Variants in SPAG16 observed in about 807,000 individuals in gnomAD.
SPAG16 encodes the protein sperm-associated antigen 16 protein.
SPAG16 carries 86 observed loss-of-function variants against 80.4 expected under a neutral mutation model. The ratio of observed to expected loss-of-function variants is 1.07; its 90% CI spans 0.90 to 1.28. The LOEUF (loss-of-function observed/expected upper bound fraction) is 1.28. SPAG16 is among the 50% of genes most tolerant of loss of function. The pLI is 0.00. For synonymous variants in SPAG16, 294 were observed against 265.9 expected, an observed-to-expected ratio of 1.11 and a Z score of -1.03; for missense variants, 870 against 765.3, an observed-to-expected ratio of 1.14 and a Z score of -1.61.
At chr2:213,735,252 G>A (rs2067231535) in intron 10 of SPAG16, among the ~76,000 whole-genome samples, 1 of 152,138 alleles carries the variant, frequency 6.6e-6, no homozygotes, top group South Asian at 2.1e-4. Context: ...GTATTCTGGA[G>A]CAACTCTTTA....
intron 12 of SPAG16, among the ~76,000 whole-genome samples, chr2:213,996,050 A>C (rs1042003480): frequency 4.6e-5 from 7 of 152,172 alleles, no homozygotes; most frequent in African/African-American, 1.7e-4. Context: ...GATGAGAAAC[A>C]CTTCTGACTC....
In SPAG16 at chr2:213,873,258, A is replaced by T. The variant is rs945507457; in HGVS notation, c.1214+10630A>T. ...AGAATTTGTCTACTCTATCCAGGTTATCTAATTTGCTGCCATTTTTTTCTC... is the reference window on the plus strand; with the variant it reads ...AGAATTTGTCTACTCTATCCAGGTTTTCTAATTTGCTGCCATTTTTTTCTC... On this transcript the variant is annotated intron_variant, in intron 11 of 15. Coordinates refer to ENST00000331683, the MANE Select transcript of SPAG16 (RefSeq NM_024532.5). 5.3e-5 allele frequency among the ~76,000 whole-genome samples: 8 copies of T among 152,116 alleles called. No individual in the cohort carries two copies. The South Asian group carries it at 1.7e-3, about 32-fold the overall frequency.
At chr2:213,907,243 G>A (rs1345091934) in intron 11 of SPAG16, among the ~76,000 whole-genome samples, 1 of 152,054 alleles carries the variant, frequency 6.6e-6, no homozygotes, top group Non-Finnish European at 1.5e-5. Flanking sequence ...TATTTTAAAA[G>A]AAGATGTACA....
intron 10 of SPAG16, among the ~76,000 whole-genome samples, chr2:213,566,517 A>C (rs1393256358): frequency 6.6e-6 from 1 of 152,198 alleles, no homozygotes; most frequent in Admixed American, 6.6e-5. Flanking sequence ...CCAAGTATTG[A>C]GAGTCGACAA....
At chr2:213,585,572 G>C (rs1345805029) in intron 10 of SPAG16, among the ~76,000 whole-genome samples, 1 of 152,084 alleles carries the variant, frequency 6.6e-6, no homozygotes, top group Non-Finnish European at 1.5e-5. Context: ...AACCAGCCTG[G>C]CAGAAAGATT....
chr2:213,936,013 G>T (rs116142495), intron 12 of SPAG16, among the ~76,000 whole-genome samples: 1 of 147,892 alleles, frequency 6.8e-6, no homozygotes, highest in African/African-American at 2.4e-5. Flanking sequence ...TAGAGCACAG[G>T]TGAAAAGGGA....
chr2:213,557,079 C>T lies in SPAG16; in HGVS notation c.1070+66989C>T, dbSNP rs531340415. 4.6e-5 allele frequency among the ~76,000 whole-genome samples: 7 copies of T among 151,980 alleles called. No individual in the cohort carries two copies. The South Asian group carries it at 1.5e-3, about 32-fold the overall frequency. ...AGTATAGCATAATATAAAAATTAAG[C>T]ATATGTTATTTGTGGGTTTTTTTCT... On this transcript the variant is annotated intron_variant, in intron 10 of 15. Coordinates refer to ENST00000331683, the MANE Select transcript of SPAG16 (RefSeq NM_024532.5).
chr2:213,746,749 G>A (rs2125472664), intron 10 of SPAG16, among the ~76,000 whole-genome samples: 1 of 152,316 alleles, frequency 6.6e-6, no homozygotes, highest in African/African-American at 2.4e-5. Context: ...AGAAGTTGCA[G>A]TGAGCCAAGA....
At chr2:213,294,909 T>A (rs2062436640) in intron 1 of SPAG16, among the ~76,000 whole-genome samples, 1 of 152,154 alleles carries the variant, frequency 6.6e-6, no homozygotes, top group Non-Finnish European at 1.5e-5. Context: ...GATTCTTGAT[T>A]TGTAAAATAG....
chr2:213,982,880 T>A (rs960191671), intron 12 of SPAG16, among the ~76,000 whole-genome samples: 1 of 152,020 alleles, frequency 6.6e-6, no homozygotes, highest in Non-Finnish European at 1.5e-5. Flanking sequence ...TAAAAAGTCA[T>A]AAAATATAGT....
At chr2:213,610,111 T>C (rs2061395692) in intron 10 of SPAG16, among the ~76,000 whole-genome samples, 1 of 152,140 alleles carries the variant, frequency 6.6e-6, no homozygotes, top group African/African-American at 2.4e-5. Context: ...GATTTTTTAT[T>C]TTCCCTTTCT....
At chr2:214,137,989 A>T (rs2055151417) in intron 14 of SPAG16, among the ~76,000 whole-genome samples, 1 of 152,078 alleles carries the variant, frequency 6.6e-6, no homozygotes, top group Non-Finnish European at 1.5e-5. Context: ...TAGGGTGTTC[A>T]TTGGCTCTAT....
chr2:213,307,107 G>A (rs2062970511), intron 3 of SPAG16, among the ~76,000 whole-genome samples: 1 of 152,102 alleles, frequency 6.6e-6, no homozygotes, highest in South Asian at 2.1e-4. Context: ...GGATTTTTCT[G>A]TAGCCCCAAA....
At chr2:213,904,790 G>A (rs1451120300) in intron 11 of SPAG16, among the ~76,000 whole-genome samples, 1 of 151,932 alleles carries the variant, frequency 6.6e-6, no homozygotes, top group Admixed American at 6.6e-5. Context: ...GTCCTTATGT[G>A]GCTAGAGTAG....
At chr2:214,107,460 G>T (rs1245501074) in intron 13 of SPAG16, among the ~76,000 whole-genome samples, 2 of 152,080 alleles carry the variant, frequency 1.3e-5, no homozygotes, top group Non-Finnish European at 2.9e-5. Context: ...CCCTACAAGA[G>T]TCAAGAATGC....
chr2:213,842,152 T>C (rs534996452), intron 10 of SPAG16, among the ~76,000 whole-genome samples: 1 of 152,186 alleles, frequency 6.6e-6, no homozygotes, highest in African/African-American at 2.4e-5. Flanking sequence ...AGGCAAAATT[T>C]TCTTTCCTGA....
chr2:214,008,429 T>C (rs1015136178), intron 12 of SPAG16, among the ~76,000 whole-genome samples: 5 of 151,942 alleles, frequency 3.3e-5, no homozygotes, highest in Middle Eastern at 3.2e-3. Flanking sequence ...CTTATGTACA[T>C]ATGTAGCATT....
chr2:214,045,791 T>C (rs1376806597), intron 13 of SPAG16, among the ~76,000 whole-genome samples: 4 of 152,062 alleles, frequency 2.6e-5, no homozygotes, highest in Non-Finnish European at 5.9e-5. Flanking sequence ...CTAACCTAGT[T>C]CTTAAAGAAT....
intron 10 of SPAG16, among the ~76,000 whole-genome samples, chr2:213,726,998 G>T (rs2066797497): frequency 6.6e-6 from 1 of 152,118 alleles, no homozygotes; most frequent in African/African-American, 2.4e-5. Flanking sequence ...AAATTCTTAT[G>T]CATTCAATCT....
Sources: gnomAD v4.1 joint callset for allele counts (sites outside exome capture counted in the v4.1 genomes callset) on GRCh38, gnomAD v4.1.1 for gene constraint, MANE v1.5 for transcripts, NCBI Gene and HGNC (gene_info 2026-07-23, HGNC 2026-07-21) for gene names.